Variants in NELL1 observed in about 807,000 individuals in gnomAD.
NELL1 encodes neural EGFL like 1, also known as protein kinase C-binding protein NELL1.
NELL1 carries 76 observed loss-of-function variants against 107.4 expected under a neutral mutation model. The ratio of observed to expected loss-of-function variants is 0.71; its 90% CI spans 0.59 to 0.86. The LOEUF (loss-of-function observed/expected upper bound fraction) is 0.86. NELL1 is among the 40% of genes least tolerant of loss of function. The pLI, the probability that NELL1 is intolerant of heterozygous loss-of-function variation, is 0.00. For missense variants in NELL1, 1,024 were observed against 1,005.5 expected, an observed-to-expected ratio of 1.02 and a Z score of -0.25; for synonymous variants, 353 against 341.2, an observed-to-expected ratio of 1.03 and a Z score of -0.38.
intron 9 of NELL1, among the ~76,000 whole-genome samples, chr11:20,932,287 T>C (rs932377229): frequency 2.0e-5 from 3 of 151,942 alleles, no homozygotes; most frequent in Admixed American, 6.6e-5. Context: ...AGATTTGAGA[T>C]CTACCAGAGA....
At chr11:21,355,086 T>C (rs1462274264) in intron 14 of NELL1, among the ~76,000 whole-genome samples, 1 of 152,176 alleles carries the variant, frequency 6.6e-6, no homozygotes, top group Non-Finnish European at 1.5e-5. Context: ...TTTAGTGTCC[T>C]AGGGAGTCCT....
intron 2 of NELL1, among the ~76,000 whole-genome samples, chr11:20,710,529 G>C (rs181964831): frequency 1.5e-3 from 228 of 152,196 alleles, no homozygotes; most frequent in African/African-American, 5.1e-3. Context: ...GTCCTTTCCT[G>C]GTTTTGGTAT....
At chr11:21,380,225 G>T (rs981608596) in intron 15 of NELL1, among the ~76,000 whole-genome samples, 1 of 152,020 alleles carries the variant, frequency 6.6e-6, no homozygotes, top group Non-Finnish European at 1.5e-5. Flanking sequence ...AGTAAGCAGG[G>T]CTTCTATGGC....
intron 15 of NELL1, among the ~76,000 whole-genome samples, chr11:21,416,693 T>C (rs959123789): frequency 6.6e-6 from 1 of 152,000 alleles, no homozygotes; most frequent in African/African-American, 2.4e-5. Context: ...GTAACAGCAA[T>C]TGGGTCTTCA....
At chr11:20,803,392 G>T (rs914644944) in intron 3 of NELL1, among the ~76,000 whole-genome samples, 9 of 152,100 alleles carry the variant, frequency 5.9e-5, no homozygotes, top group African/African-American at 2.2e-4. Flanking sequence ...TGTAGTATCA[G>T]TTGTAATGTC....
rs1422991621 is a variant in NELL1, at chr11:20,709,336, ATTAGTTGGCTGTAAG to A, written c.184+31278_184+31292del. ...TGTATTTTTGTTTGCTTTGTTGAAGATTAGTTGGCTGTAAGTATTTGGCTTTAATTTCTGGGTTCT... is the reference window on the plus strand; with the variant it reads ...TGTATTTTTGTTTGCTTTGTTGAAGATATTTGGCTTTAATTTCTGGGTTCT... On this transcript the variant is annotated intron_variant, in intron 2 of 19. Transcript: ENST00000357134. Among the ~76,000 whole-genome samples, 4 of 152,190 alleles carry A rather than the reference ATTAGTTGGCTGTAAG, an allele frequency of 2.6e-5. No individual in the cohort carries two copies. The East Asian group carries it at 7.7e-4, about 29-fold the overall frequency.
intron 2 of NELL1, among the ~76,000 whole-genome samples, chr11:20,762,707 G>A (rs541749520): frequency 2.0e-5 from 3 of 152,132 alleles, no homozygotes; most frequent in Non-Finnish European, 2.9e-5. Context: ...AAATAGAAAC[G>A]TTGACAGGCA....
chr11:21,114,208 C>T (rs944976388), intron 13 of NELL1, among the ~76,000 whole-genome samples: 1 of 151,938 alleles, frequency 6.6e-6, no homozygotes, highest in Non-Finnish European at 1.5e-5. Flanking sequence ...GTCTGTGTCC[C>T]ACCTCTTTCT....
chr11:21,356,433 C>G (rs975473688), intron 14 of NELL1, among the ~76,000 whole-genome samples: 4 of 152,126 alleles, frequency 2.6e-5, no homozygotes, highest in African/African-American at 9.7e-5. Flanking sequence ...TTAGCAACAT[C>G]TCTGGTTTCT....
intron 12 of NELL1, among the ~76,000 whole-genome samples, chr11:20,962,674 G>A (rs529825283): frequency 1.1e-4 from 16 of 152,290 alleles, no homozygotes; most frequent in Non-Finnish European, 1.8e-4. Context: ...TCTCTATGAG[G>A]CCTTATTTTA....
rs143222718 is a variant in NELL1 at position 20,746,729 on chromosome 11, T to G, written c.185-36951T>G. On this transcript the variant is annotated intron_variant, in intron 2 of 19. Coordinates refer to ENST00000357134, the MANE Select transcript of NELL1 (RefSeq NM_006157.5). The stretch of plus-strand genomic sequence containing the variant: ...TGTTCTAGATCATTTTTAGACTGTT[T>G]TCTCAGTACACTCACCAGTTTTTAC... Among the ~76,000 whole-genome samples the G allele has an allele frequency of 2.6e-5, 4 of 152,320 alleles. No individual in the cohort carries two copies. In the East Asian group the frequency reaches 7.7e-4, roughly 29 times the overall value.
rs565766530 is a variant in NELL1, at chr11:20,788,574, T to TA, written c.335+4746dup. ...TTGTCTTTCTATCATTGATTTGTAA[T>TA]AATCATGTATGTTTTAGAGGCAGTC... On this transcript the variant is annotated intron_variant, in intron 3 of 19. Coordinates refer to ENST00000357134, the MANE Select transcript of NELL1 (RefSeq NM_006157.5). 4.3e-4 allele frequency among the ~76,000 whole-genome samples: 66 copies of TA among 152,322 alleles called. No homozygotes were observed. In the East Asian group the frequency reaches 0.012, roughly 27 times the overall value.
chr11:21,509,675 A>G (rs1397625279), intron 15 of NELL1, among the ~76,000 whole-genome samples: 2 of 152,218 alleles, frequency 1.3e-5, no homozygotes, highest in African/African-American at 4.8e-5. Flanking sequence ...CACAGGAATG[A>G]TAAAACTACA....
intron 14 of NELL1, among the ~76,000 whole-genome samples, chr11:21,365,211 A>AT (rs1851192049): frequency 1.3e-5 from 2 of 152,062 alleles, no homozygotes; most frequent in African/African-American, 4.8e-5. Context: ...CCACTATGAG[A>AT]TTCTTGGGGA....
chr11:21,035,895 C>T (rs1853079969), intron 12 of NELL1, among the ~76,000 whole-genome samples: 1 of 152,024 alleles, frequency 6.6e-6, no homozygotes, highest in Non-Finnish European at 1.5e-5. Context: ...AGTAATCAGG[C>T]AAGAGAAAGA....
intron 12 of NELL1, among the ~76,000 whole-genome samples, chr11:21,087,472 T>G (rs1854422432): frequency 6.6e-6 from 1 of 152,232 alleles, no homozygotes; most frequent in Non-Finnish European, 1.5e-5. Flanking sequence ...TTATTCTCTA[T>G]TTTTCTATTA....
At chr11:21,111,733 A>G (rs1168733841) in intron 12 of NELL1, among the ~76,000 whole-genome samples, 1 of 152,098 alleles carries the variant, frequency 6.6e-6, no homozygotes, top group Non-Finnish European at 1.5e-5. Context: ...CAATCATGAG[A>G]TTAATTTAAA....
At position 20,918,202 on chromosome 11, in the gene NELL1, G is replaced by A; in HGVS notation, c.624G>A (p.Lys208=). ...TCAAGGGGATCATCCAAGATGGGAA[G>A]ATCATCTTTATGCCGAATGGATATA... The part of the protein sequence containing the change: ...GLFKGIIQDG[K]IIFMPNGYIT... Residue 208 remains lysine (K), a synonymous_variant, in exon 6 of 20, where the codon AAG becomes AAA. Transcript: ENST00000357134. The A allele has an allele frequency of 1.9e-6, 3 of 1,599,460 alleles. No individual in the cohort carries two copies. Among genetic ancestry groups the A allele is most frequent in the Non-Finnish European group, 2.6e-6 (3 of 1,167,576 alleles).
At chr11:21,408,594 A>C (rs1222579746) in intron 15 of NELL1, among the ~76,000 whole-genome samples, 2 of 152,026 alleles carry the variant, frequency 1.3e-5, no homozygotes, top group Non-Finnish European at 2.9e-5. Context: ...TAGGTTGCGA[A>C]AATTTTCTCC....
Sources: gnomAD v4.1 joint callset for allele counts (sites outside exome capture counted in the v4.1 genomes callset) on GRCh38, gnomAD v4.1.1 for gene constraint, MANE v1.5 for transcripts, NCBI Gene and HGNC (gene_info 2026-07-23, HGNC 2026-07-21) for gene names.